SDK1: variants seen among roughly 807,000 people sequenced by gnomAD.
SDK1 encodes sidekick cell adhesion molecule 1.
A neutral mutation model predicts 245.5 loss-of-function variants in SDK1; 157 were observed. That is an observed-to-expected ratio of 0.64 (90% CI 0.56 to 0.73). The LOEUF (loss-of-function observed/expected upper bound fraction) is 0.73. Ranked by LOEUF, SDK1 falls within the 30% of genes least tolerant of loss-of-function variation. SDK1 has a pLI of 0.00. For missense variants in SDK1, 3,583 were observed against 3,002.3 expected, an observed-to-expected ratio of 1.19 and a Z score of -4.52; for synonymous variants, 1,647 against 1,278.5, an observed-to-expected ratio of 1.29 and a Z score of -6.15.
chr7:3,491,032 T>G (rs1781849451), intron 1 of SDK1, among the ~76,000 whole-genome samples: 1 of 152,200 alleles, frequency 6.6e-6, no homozygotes, highest in South Asian at 2.1e-4. Flanking sequence ...CTGTGCACAT[T>G]TACTCTAGTC....
At chr7:3,616,758 A>G (rs1451183314) in intron 1 of SDK1, among the ~76,000 whole-genome samples, 3 of 152,236 alleles carry the variant, frequency 2.0e-5, no homozygotes, top group Non-Finnish European at 4.4e-5. Flanking sequence ...AATTCTATAT[A>G]TTCAGTTTAT....
chr7:3,874,720 G>A (rs1019789437), intron 5 of SDK1, among the ~76,000 whole-genome samples: 1 of 152,160 alleles, frequency 6.6e-6, no homozygotes, highest in Non-Finnish European at 1.5e-5. Flanking sequence ...GGAAGATGGG[G>A]GTGATGAGTG....
intron 4 of SDK1, among the ~76,000 whole-genome samples, chr7:3,724,214 C>T (rs1255182108): frequency 1.3e-5 from 2 of 151,992 alleles, no homozygotes; most frequent in African/African-American, 4.8e-5. Flanking sequence ...ATCCACCCAC[C>T]TTGGCCTCCC....
intron 1 of SDK1, among the ~76,000 whole-genome samples, chr7:3,393,915 C>A (rs1159262940): frequency 1.3e-5 from 2 of 152,038 alleles, no homozygotes; most frequent in African/African-American, 4.8e-5. Context: ...TTGTCAGTAT[C>A]TGAGCTTTAA....
At chr7:3,839,687 C>G (rs1016746446) in intron 5 of SDK1, among the ~76,000 whole-genome samples, 2 of 152,156 alleles carry the variant, frequency 1.3e-5, no homozygotes, top group Non-Finnish European at 2.9e-5. Context: ...TCCCATTTAT[C>G]TCATTGAGAT....
chr7:3,516,472 C>T (rs1046190015), intron 1 of SDK1, among the ~76,000 whole-genome samples: 1 of 152,024 alleles, frequency 6.6e-6, no homozygotes, highest in Non-Finnish European at 1.5e-5. Flanking sequence ...TTTAGGTGTT[C>T]TACTTAAAGA....
intron 1 of SDK1, among the ~76,000 whole-genome samples, chr7:3,525,030 A>G (rs1783074562): frequency 6.6e-6 from 1 of 152,228 alleles, no homozygotes; most frequent in Admixed American, 6.5e-5. Flanking sequence ...CAATAGAAAT[A>G]ATACAAGTAA....
At chr7:4,127,278 G>A (rs933438714) in intron 25 of SDK1, 103 bp from the exon 26 acceptor site, 24 of 825,912 alleles carry the variant, frequency 2.9e-5, no homozygotes, top group African/African-American at 1.8e-4. Flanking sequence ...CTTAGAATAC[G>A]TTGCTATTTC....
intron 22 of SDK1, among the ~76,000 whole-genome samples, chr7:4,102,466 T>G (rs1782619343): frequency 6.6e-6 from 1 of 152,158 alleles, no homozygotes; most frequent in African/African-American, 2.4e-5. Context: ...TTTCTCCTCC[T>G]CTTAGCTCTG....
intron 1 of SDK1, among the ~76,000 whole-genome samples, chr7:3,491,941 G>C (rs1243511390): frequency 6.6e-6 from 1 of 152,126 alleles, no homozygotes; most frequent in African/African-American, 2.4e-5. Flanking sequence ...CTGATACAGT[G>C]AATACAGGTG....
chr7:3,657,726 C>G (rs942593647), intron 4 of SDK1, among the ~76,000 whole-genome samples: 1 of 152,166 alleles, frequency 6.6e-6, no homozygotes, highest in Admixed American at 6.5e-5. Flanking sequence ...GCAGCCTATG[C>G]AGATGATGTG....
At chr7:3,940,990 G>A (rs1440966264) in intron 5 of SDK1, among the ~76,000 whole-genome samples, 1 of 151,660 alleles carries the variant, frequency 6.6e-6, no homozygotes, top group South Asian at 2.1e-4. Context: ...GCACGTCTTA[G>A]GAAGCTTGGG....
At chr7:3,407,027 C>T (rs543889312) in intron 1 of SDK1, among the ~76,000 whole-genome samples, 26 of 152,198 alleles carry the variant, frequency 1.7e-4, no homozygotes, top group African/African-American at 5.5e-4. Context: ...ATCAAGAATG[C>T]TAGAGGAAAG....
Position 3,681,006 on chromosome 7 carries a change from C to T in SDK1, c.713+38901C>T, listed in dbSNP as rs547523652. Among the ~76,000 whole-genome samples, 5 of 152,208 alleles carry T rather than the reference C, an allele frequency of 3.3e-5. No homozygotes were observed. In the East Asian group the frequency reaches 9.7e-4, roughly 29 times the overall value. On this transcript the variant is annotated intron_variant, in intron 4 of 44. Coordinates refer to ENST00000404826, the MANE Select transcript of SDK1 (RefSeq NM_152744.4). ...TACAGGTGCACCCCATCAGGTCCAG[C>T]TAATTTTGTGTATTTTTTAGTAGAG...
chr7:4,113,486 G>A (rs772223228), intron 24 of SDK1, 47 bp downstream of exon 24: 10 of 1,601,448 alleles, frequency 6.2e-6, no homozygotes, highest in Admixed American at 3.4e-5. Context: ...GGTCCTGAGT[G>A]AGCCAGGGCA....
intron 22 of SDK1, 128 bp downstream of exon 22, chr7:4,079,712 CA>C: frequency 7.4e-7 from 1 of 1,350,996 alleles, no homozygotes; most frequent in Non-Finnish European, 1.0e-6. Flanking sequence ...GAGGGAGAAC[CA>C]GGGGCTGGAG....
chr7:4,238,914 A>G (rs979447142), intron 42 of SDK1, among the ~76,000 whole-genome samples: 1 of 152,096 alleles, frequency 6.6e-6, no homozygotes, highest in Admixed American at 6.5e-5. Flanking sequence ...GTACTATGCA[A>G]TATTATAAAC....
intron 5 of SDK1, among the ~76,000 whole-genome samples, chr7:3,941,431 C>T (rs1341227899): frequency 6.6e-6 from 1 of 152,106 alleles, no homozygotes; most frequent in Non-Finnish European, 1.5e-5. Context: ...CCTGCCTCCT[C>T]CGTGGCCAGC....
intron 5 of SDK1, among the ~76,000 whole-genome samples, chr7:3,899,262 C>T (rs1781703163): frequency 1.3e-5 from 2 of 152,150 alleles, no homozygotes; most frequent in South Asian, 4.1e-4. Context: ...AAATATTGCG[C>T]TTTAACACTT....
Sources: allele counts gnomAD v4.1 joint callset (sites outside exome capture counted in the v4.1 genomes callset), GRCh38; gene constraint gnomAD v4.1.1; transcripts MANE v1.5; gene names NCBI Gene and HGNC (gene_info 2026-07-23, HGNC 2026-07-21).